The following C3orf20 variants were observed in gnomAD, a reference collection of about 807,000 sequenced individuals.
C3orf20 encodes family with sequence similarity 149 member C.
A neutral mutation model predicts 88.3 loss-of-function variants in C3orf20; 76 were observed. That is an observed-to-expected ratio of 0.86 (90% confidence interval 0.72 to 1.04). The LOEUF is 1.04. Among genes scored for constraint, C3orf20 ranks in the 50% least tolerant of loss-of-function variants. C3orf20 has a pLI of 0.00. For missense variants in C3orf20, 1,056 were observed against 1,123.3 expected (o/e 0.94, Z 0.86); for synonymous variants, 436 against 437.4 (o/e 1.00, Z 0.04).
chr3:14,732,429 AT>A (rs1216030700), intron 12 of C3orf20, among the ~76,000 whole-genome samples: 1 of 152,134 alleles, frequency 6.6e-6, no homozygotes, highest in Non-Finnish European at 1.5e-5. Flanking sequence ...CTTTGGCTTA[AT>A]TTTTTATTCT....
intron 12 of C3orf20, among the ~76,000 whole-genome samples, chr3:14,751,560 A>G (rs1030543736): frequency 6.6e-6 from 1 of 152,242 alleles, no homozygotes; most frequent in Non-Finnish European, 1.5e-5. Flanking sequence ...TGCAGATGAC[A>G]TGATTGTATA....
At chr3:14,749,829 T>C (rs2035168064) in intron 12 of C3orf20, among the ~76,000 whole-genome samples, 1 of 152,160 alleles carries the variant, frequency 6.6e-6, no homozygotes. Flanking sequence ...TTTGAATTAA[T>C]ACCAACTTAG....
At chr3:14,706,971 C>T (rs931033122) in intron 7 of C3orf20, among the ~76,000 whole-genome samples, 4 of 152,124 alleles carry the variant, frequency 2.6e-5, no homozygotes, top group Non-Finnish European at 4.4e-5. Context: ...ATGTCTGGGC[C>T]GGGCGTGGTG....
chr3:14,739,478 G>A (rs984666656), intron 12 of C3orf20, among the ~76,000 whole-genome samples: 3 of 152,302 alleles, frequency 2.0e-5, no homozygotes, highest in Admixed American at 6.5e-5. Flanking sequence ...TATAGCACAG[G>A]CAGAGTAGAT....
At chr3:14,690,206 A>T in intron 5 of C3orf20, 90 bp downstream of exon 5, 13 of 1,566,282 alleles carry the variant, frequency 8.3e-6, no homozygotes, top group Non-Finnish European at 1.0e-5. Context: ...GGTTGGTGGG[A>T]TGGTTTGATT....
rs764484975 is a variant in C3orf20 at position 14,714,007 on chromosome 3, C to G, written c.1161C>G (p.Tyr387Ter). ...AGTTCTACCTGAACATTTCTGCCAGCTATCCCTCTGGAAACGTCGCTGTAT... is the reference window on the plus strand; with the variant it reads ...AGTTCTACCTGAACATTTCTGCCAGGTATCCCTCTGGAAACGTCGCTGTAT... The part of the protein sequence containing the change: ...YTFYDGSSFV[Y>*]YPSGNVAVCQ... Residue 387 changes from tyrosine to a stop codon, truncating the protein, a stop_gained and splice_region_variant, in exon 8 of 17, where the codon TAC becomes TAG. Coordinates refer to ENST00000253697, the MANE Select transcript of C3orf20 (RefSeq NM_032137.5). LOFTEE classifies it high-confidence loss of function. 1.2e-6 allele frequency: 2 copies of G among 1,614,072 alleles called. No homozygotes were observed. Among genetic ancestry groups the G allele is most frequent in the East Asian group, 4.5e-5 (2 of 44,882 alleles).
intron 5 of C3orf20, among the ~76,000 whole-genome samples, chr3:14,694,288 T>C (rs529485869): frequency 2.0e-4 from 31 of 152,210 alleles, no homozygotes; most frequent in Non-Finnish European, 4.1e-4. Context: ...AAATGTTTGG[T>C]GGAATTTGAC....
chr3:14,715,156 A>T (rs2033891999), intron 8 of C3orf20, 133 bp from the exon 9 acceptor site: 2 of 1,115,532 alleles, frequency 1.8e-6, no homozygotes, highest in African/African-American at 3.1e-5. Flanking sequence ...GGGGAAAGTA[A>T]GGTTGACTGC....
chr3:14,756,898 C>T (rs1447940681), intron 12 of C3orf20, among the ~76,000 whole-genome samples: 1 of 152,242 alleles, frequency 6.6e-6, no homozygotes, highest in Admixed American at 6.5e-5. Context: ...AACAGGATCC[C>T]TTGGTCTGAG....
In C3orf20 at chr3:14,689,986, T is replaced by C; in HGVS notation, c.626-11T>C. The C allele has an allele frequency of 6.2e-7, 1 of 1,614,124 alleles. No individual in the cohort carries two copies. Among genetic ancestry groups the C allele is most frequent in the Non-Finnish European group, 8.5e-7 (1 of 1,179,986 alleles). Reference sequence around the variant, plus strand: ...CAGTTGAAAGAAGAATCTCTCTCTCTCCCACTCCAGAGTCCCTCGCAAACA... The same window carrying C: ...CAGTTGAAAGAAGAATCTCTCTCTCCCCCACTCCAGAGTCCCTCGCAAACA... On this transcript the variant is annotated splice_polypyrimidine_tract_variant and intron_variant, in intron 4 of 16. Coordinates refer to ENST00000253697, the MANE Select transcript of C3orf20 (RefSeq NM_032137.5).
intron 14 of C3orf20, among the ~76,000 whole-genome samples, chr3:14,760,392 ACTCAGAGAGT>A (rs985225981): frequency 1.3e-5 from 2 of 152,124 alleles, no homozygotes; most frequent in Admixed American, 1.3e-4. Flanking sequence ...TCATCAGATC[ACTCAGAGAGT>A]CTCATTTGCT....
chr3:14,682,573 G>T lies in C3orf20; in HGVS notation c.-136-5G>T. On this transcript the variant is annotated splice_polypyrimidine_tract_variant and splice_region_variant and intron_variant, in intron 2 of 16. Transcript: ENST00000253697. ...ACTAACTCTTTTCTTGTCCTTTCCG[G>T]ATAGGAACCACTGGCTCAATGACCT... 3 of 1,148,910 alleles carry T rather than the reference G, an allele frequency of 2.6e-6. No homozygotes were observed. The South Asian group carries it at 4.5e-5, about 17-fold the overall frequency. 71.2% of individuals were successfully genotyped at this position (1,148,910 alleles called of 1,614,324 possible). A position where few individuals can be genotyped will look rare whatever the true frequency, so the allele number is the denominator to read the frequency against.
At chr3:14,680,303 G>A (rs1450509519) in intron 1 of C3orf20, among the ~76,000 whole-genome samples, 3 of 152,144 alleles carry the variant, frequency 2.0e-5, no homozygotes, top group Non-Finnish European at 2.9e-5. Flanking sequence ...TCCATACAGT[G>A]GAATATTACT....
chr3:14,724,750 T>G (rs1349565112), intron 10 of C3orf20, among the ~76,000 whole-genome samples: 1 of 152,256 alleles, frequency 6.6e-6, no homozygotes, highest in Admixed American at 6.5e-5. Flanking sequence ...TTTAAAAATT[T>G]TTTAATGTGC....
intron 9 of C3orf20, among the ~76,000 whole-genome samples, chr3:14,720,232 G>A (rs934055733): frequency 4.6e-5 from 7 of 151,988 alleles, no homozygotes; most frequent in East Asian, 1.9e-4. Flanking sequence ...GGGTTTCACC[G>A]TATTAGCCAG....
chr3:14,701,965 C>T lies in C3orf20; in HGVS notation c.746-1165C>T, dbSNP rs189672422. On this transcript the variant is annotated intron_variant, in intron 5 of 16. Transcript: ENST00000253697. The surrounding 1 kb of genome is among the most constrained non-coding windows in gnomAD (Gnocchi z 4.6). ...ATCAATGATACCCCCAATATTCTGA[C>T]ATTTAAAGGATGCTGCTCTCCTGCT... Among the ~76,000 whole-genome samples, 223 of 152,300 alleles carry T rather than the reference C, an allele frequency of 1.5e-3. 3 individuals carry two copies. The highest frequency in any genetic ancestry group is 0.014 in the Admixed American group (213 of 15,304).
chr3:14,716,832 A>G (rs2033959971), intron 9 of C3orf20, among the ~76,000 whole-genome samples: 1 of 152,190 alleles, frequency 6.6e-6, no homozygotes. Context: ...TCCCAGGCAC[A>G]GCCCCAGAGC....
chr3:14,738,566 C>T (rs1293097156), intron 12 of C3orf20, among the ~76,000 whole-genome samples: 1 of 149,892 alleles, frequency 6.7e-6, no homozygotes, highest in African/African-American at 2.5e-5. Flanking sequence ...CTCCTGACCT[C>T]GTGATCTGCC....
chr3:14,715,120 T>C (rs535509760), intron 8 of C3orf20, among the ~76,000 whole-genome samples, 169 bp from the exon 9 acceptor site: 1 of 152,276 alleles, frequency 6.6e-6, no homozygotes, highest in South Asian at 2.1e-4. Context: ...TCAGCAGGTG[T>C]TAAGGGGCCT....
Sources: gnomAD v4.1 joint callset for allele counts (sites outside exome capture counted in the v4.1 genomes callset) on GRCh38, gnomAD v4.1.1 for gene constraint, Gnocchi (gnomAD v3.1) non-coding constraint, MANE v1.5 for transcripts, NCBI Gene and HGNC (gene_info 2026-07-23, HGNC 2026-07-21) for gene names.